COL28A1: variants seen among roughly 807,000 people sequenced by gnomAD.
COL28A1 encodes collagen type XXVIII alpha 1 chain.
COL28A1 carries 161 observed loss-of-function variants against 150.2 expected under a neutral mutation model. That is an observed-to-expected ratio of 1.07 (90% CI 0.94 to 1.22). COL28A1 has a LOEUF of 1.22. Ranked by LOEUF, COL28A1 falls within the 50% of genes most tolerant of loss-of-function variation. The pLI, the probability that COL28A1 is intolerant of heterozygous loss-of-function variation, is 0.00. For missense variants in COL28A1, 1,617 were observed against 1,388.3 expected (o/e 1.16, Z -2.62); for synonymous variants, 552 against 469.7 (o/e 1.18, Z -2.26).
rs547590523 is a variant in COL28A1 at position 7,525,499 on chromosome 7, A to C, written c.682-1250T>G. Among the ~76,000 whole-genome samples, 12 of 152,322 alleles carry C rather than the reference A, an allele frequency of 7.9e-5. No homozygotes were observed. The South Asian group carries it at 2.5e-3, about 32-fold the overall frequency. On this transcript the variant is annotated intron_variant, in intron 3 of 34. Coordinates refer to ENST00000399429, the MANE Select transcript of COL28A1 (RefSeq NM_001037763.3). ...TAACCTAGAAATTATGTGTCAAACC[A>C]GTGCCTTGTGATTTCATCTGAAGGG...
intron 34 of COL28A1, among the ~76,000 whole-genome samples, chr7:7,359,139 C>T (rs778974851): frequency 1.3e-5 from 2 of 152,116 alleles, no homozygotes; most frequent in Admixed American, 1.3e-4. Context: ...GGACTTCTTT[C>T]ATTTACACTG....
chr7:7,442,840 G>C (rs1429043037), intron 20 of COL28A1, among the ~76,000 whole-genome samples: 1 of 152,014 alleles, frequency 6.6e-6, no homozygotes, highest in Non-Finnish European at 1.5e-5. Context: ...TTCCAGACCA[G>C]CCTGGCCAAT....
chr7:7,518,035 T>C (rs1259321004), intron 6 of COL28A1, among the ~76,000 whole-genome samples, 198 bp from the exon 7 acceptor site: 1 of 151,140 alleles, frequency 6.6e-6, no homozygotes, highest in African/African-American at 2.4e-5. Flanking sequence ...CCCTTTGCAG[T>C]GAAGCCAGAT....
chr7:7,534,750 C>T (rs1387699282), intron 1 of COL28A1, among the ~76,000 whole-genome samples: 2 of 152,136 alleles, frequency 1.3e-5, no homozygotes, highest in African/African-American at 2.4e-5. Flanking sequence ...GAATTTGTAC[C>T]TGATCCCTGT....
intron 31 of COL28A1, among the ~76,000 whole-genome samples, chr7:7,374,911 T>A (rs141615636): frequency 6.6e-6 from 1 of 152,336 alleles, no homozygotes; most frequent in African/African-American, 2.4e-5. Context: ...GGCTAATTTC[T>A]TTACTTCCTC....
At chr7:7,521,139 T>C (rs1781702204) in intron 5 of COL28A1, among the ~76,000 whole-genome samples, 1 of 152,182 alleles carries the variant, frequency 6.6e-6, no homozygotes, top group African/African-American at 2.4e-5. Flanking sequence ...GGGCTTCTTC[T>C]GAACTCTAAG....
intron 15 of COL28A1, among the ~76,000 whole-genome samples, chr7:7,472,288 A>C (rs999522383): frequency 2.6e-5 from 4 of 152,176 alleles, no homozygotes; most frequent in African/African-American, 9.7e-5. Flanking sequence ...CTCCTCCAGA[A>C]AGCTCCTAGA....
At chr7:7,362,288 C>T (rs1460854807) in intron 33 of COL28A1, among the ~76,000 whole-genome samples, 1 of 152,092 alleles carries the variant, frequency 6.6e-6, no homozygotes, top group African/African-American at 2.4e-5. Flanking sequence ...CAGCTGTATG[C>T]AATTGAATCA....
At chr7:7,532,140 A>T (rs1272396087) in intron 2 of COL28A1, among the ~76,000 whole-genome samples, 1 of 152,192 alleles carries the variant, frequency 6.6e-6, no homozygotes, top group Non-Finnish European at 1.5e-5. Flanking sequence ...GATATCTTTT[A>T]TTCTGAGCAT....
intron 25 of COL28A1, among the ~76,000 whole-genome samples, chr7:7,430,891 G>A (rs767670817): frequency 2.0e-5 from 3 of 152,200 alleles, no homozygotes; most frequent in Non-Finnish European, 4.4e-5. Flanking sequence ...GACCAAGCCA[G>A]ATCCTTCATC....
At chr7:7,462,330 C>G (rs977118137) in intron 15 of COL28A1, among the ~76,000 whole-genome samples, 1 of 152,040 alleles carries the variant, frequency 6.6e-6, no homozygotes, top group African/African-American at 2.4e-5. Context: ...TGTTTAACAC[C>G]CCCAAAAAAT....
chr7:7,406,561 A>ATTT (rs1297763368), intron 27 of COL28A1, among the ~76,000 whole-genome samples: 1 of 152,180 alleles, frequency 6.6e-6, no homozygotes, highest in Non-Finnish European at 1.5e-5. Context: ...ACAATAAAAC[A>ATTT]GGATAACATG....
chr7:7,504,499 C>T (rs1469820503), intron 11 of COL28A1, among the ~76,000 whole-genome samples: 5 of 152,132 alleles, frequency 3.3e-5, no homozygotes. Flanking sequence ...CATCCTATCT[C>T]TAAAAAAGAG....
intron 15 of COL28A1, among the ~76,000 whole-genome samples, chr7:7,472,724 C>T (rs1172827263): frequency 6.6e-6 from 1 of 152,160 alleles, no homozygotes; most frequent in Non-Finnish European, 1.5e-5. Flanking sequence ...CAAAGCAAGA[C>T]TAAGCAAAAA....
chr7:7,362,950 C>A (rs1458024355), intron 33 of COL28A1, among the ~76,000 whole-genome samples: 1 of 152,010 alleles, frequency 6.6e-6, no homozygotes, highest in African/African-American at 2.4e-5. Context: ...CCACATTGGC[C>A]TCCTGAGCTC....
In COL28A1 at chr7:7,502,218, C is replaced by T. The variant is rs1322555179; in HGVS notation, c.1026+3796G>A. ...CCTGGCTGAGATGTTCTTATGAATG[C>T]CACAAGATGACCTTCCTGTGTGGTA... On this transcript the variant is annotated intron_variant, in intron 11 of 34. Transcript: ENST00000399429. Among the ~76,000 whole-genome samples the T allele has an allele frequency of 2.6e-5, 4 of 152,102 alleles. No individual in the cohort carries two copies. In the East Asian group the frequency reaches 7.7e-4, roughly 29 times the overall value.
At chr7:7,406,383 A>C (rs1365834881) in intron 27 of COL28A1, among the ~76,000 whole-genome samples, 1 of 152,210 alleles carries the variant, frequency 6.6e-6, no homozygotes, top group Non-Finnish European at 1.5e-5. Flanking sequence ...TTCATTCAAC[A>C]AATATTTATT....
chr7:7,369,746 C>T (rs953821549), intron 33 of COL28A1, among the ~76,000 whole-genome samples: 5 of 152,090 alleles, frequency 3.3e-5, no homozygotes, highest in East Asian at 1.9e-4. Context: ...ACTACTGATC[C>T]GAATGTTCCT....
At chr7:7,419,265 C>G (rs965817362) in intron 26 of COL28A1, among the ~76,000 whole-genome samples, 15 of 152,180 alleles carry the variant, frequency 9.9e-5, no homozygotes, top group African/African-American at 3.6e-4. Context: ...GAATGGTTGG[C>G]AGCATCTCTG....
Sources: gnomAD v4.1 joint callset for allele counts (sites outside exome capture counted in the v4.1 genomes callset) on GRCh38, gnomAD v4.1.1 for gene constraint, MANE v1.5 for transcripts, NCBI Gene and HGNC (gene_info 2026-07-23, HGNC 2026-07-21) for gene names.